The following LINGO1 variants were observed in gnomAD, a reference collection of about 807,000 sequenced individuals.
LINGO1 encodes leucine rich repeat and Ig domain containing 1.
Under a neutral mutation model 37.3 loss-of-function variants are expected in LINGO1, and 11 were observed. That is an observed-to-expected ratio of 0.29 (90% CI 0.19 to 0.49). The LOEUF (loss-of-function observed/expected upper bound fraction) is 0.49, where lower values mean the gene tolerates loss of function less well. Ranked by LOEUF, LINGO1 falls within the 20% of genes least tolerant of loss-of-function variation. LINGO1 has a pLI of 0.99. For missense variants in LINGO1, 585 were observed against 878.2 expected (o/e 0.67, Z 4.22); for synonymous variants, 387 against 403.0 (o/e 0.96, Z 0.48).
In LINGO1 at chr15:77,615,586, C is replaced by T. The variant is rs1204035571; in HGVS notation, c.321G>A (p.Val107=). ...LEELELNENI[V]SAVEPGAFNN... ...TGAAGGCGCCGGGCTCCACGGCGCT[C>T]ACGATGTTCTCGTTGAGCTCCAGCT... is the stretch of plus-strand genomic sequence containing the variant. The change falls in exon 2 of 2, where the codon GTG becomes GTA. Residue 107 remains valine, a synonymous_variant. Transcript: ENST00000355300. 1.4e-5 allele frequency: 22 copies of T among 1,611,442 alleles called. No homozygotes were observed. The highest frequency in any genetic ancestry group is 1.9e-5 in the Non-Finnish European group (22 of 1,178,850).
At chr15:77,627,529 A>G (rs2074130847) in intron 1 of LINGO1, among the ~76,000 whole-genome samples, 1 of 152,192 alleles carries the variant, frequency 6.6e-6, no homozygotes, top group African/African-American at 2.4e-5. Flanking sequence ...AGGAGCAAGC[A>G]CACATTTGTT....
chr15:77,776,530 G>GGAAGGCAGGAAAGC (rs2076653137), intron 1 of LINGO1, among the ~76,000 whole-genome samples: 11 of 34,512 alleles, frequency 3.2e-4, no homozygotes, highest in East Asian at 6.8e-4. Context: ...GGGAGGAAGG[G>GGAAGGCAGGAAAGC]AGGGAGGGAG....
At chr15:77,620,789 T>C (rs895776792) in intron 1 of LINGO1, among the ~76,000 whole-genome samples, 2 of 152,072 alleles carry the variant, frequency 1.3e-5, no homozygotes, top group African/African-American at 4.8e-5. Flanking sequence ...CCTTGGGGCA[T>C]CACATTCAGG....
At chr15:77,817,046 G>A (rs1311485476) in intron 1 of LINGO1, among the ~76,000 whole-genome samples, 6 of 54,902 alleles carry the variant, frequency 1.1e-4, no homozygotes, top group African/African-American at 1.9e-4. Context: ...CAAGGGAGGA[G>A]CAGGGAGAGG....
intron 1 of LINGO1, among the ~76,000 whole-genome samples, chr15:77,750,072 T>G (rs2076355602): frequency 1.3e-5 from 2 of 152,004 alleles, no homozygotes; most frequent in African/African-American, 4.8e-5. Context: ...TGACTCCCCC[T>G]CACCCACCCC....
intron 1 of LINGO1, among the ~76,000 whole-genome samples, chr15:77,746,207 C>CAA (rs34220013): frequency 4.0e-4 from 30 of 75,540 alleles, no homozygotes; most frequent in Non-Finnish European, 5.1e-4. Flanking sequence ...GACCCTGTCT[C>CAA]AAAAAAAAAA....
chr15:77,745,984 C>T (rs1235944089), intron 1 of LINGO1, among the ~76,000 whole-genome samples: 1 of 151,630 alleles, frequency 6.6e-6, no homozygotes, highest in African/African-American at 2.4e-5. Context: ...AATCTCAGCA[C>T]TTTAGGAGGC....
intron 2 of LINGO1, among the ~76,000 whole-genome samples, chr15:77,712,851 G>A (rs373742311): frequency 9.2e-5 from 14 of 152,214 alleles, no homozygotes; most frequent in African/African-American, 3.4e-4. Flanking sequence ...GGCTCCACTT[G>A]GACTCTGAAC....
intron 3 of LINGO1, among the ~76,000 whole-genome samples, chr15:77,673,105 C>T (rs1006633467): frequency 6.6e-6 from 1 of 152,160 alleles, no homozygotes; most frequent in African/African-American, 2.4e-5. Context: ...TCAAACCACA[C>T]ACAGAAATAC....
At chr15:77,655,678 G>C (rs975051551) in intron 3 of LINGO1, among the ~76,000 whole-genome samples, 1 of 152,182 alleles carries the variant, frequency 6.6e-6, no homozygotes, top group Non-Finnish European at 1.5e-5. Context: ...GAGACACTGA[G>C]GCCTAATGAG....
At chr15:77,712,018 G>A (rs911182500) in intron 2 of LINGO1, among the ~76,000 whole-genome samples, 14 of 152,126 alleles carry the variant, frequency 9.2e-5, no homozygotes, top group African/African-American at 3.4e-4. Context: ...GTCCCTGTGG[G>A]ACCTAAGAGG....
At position 77,613,935 on chromosome 15, in the gene LINGO1, G is replaced by C; in HGVS notation, c.*109C>G. On this transcript the variant is annotated 3_prime_UTR_variant, in exon 2 of 2. Transcript: ENST00000355300. ...CGGAGGCGGGAGGGAGAAAGAGAAC[G>C]TGTGTAGAAGGGTAGGGAGGAGGTG... The C allele has an allele frequency of 1.1e-6, 1 of 885,920 alleles. No individual in the cohort carries two copies. 54.9% of individuals were successfully genotyped at this position (885,920 alleles called of 1,614,324 possible). A position where few individuals can be genotyped will look rare whatever the true frequency, so the allele number is the denominator to read the frequency against.
intron 2 of LINGO1, among the ~76,000 whole-genome samples, chr15:77,679,120 C>T (rs577540627): frequency 2.6e-5 from 4 of 152,234 alleles, no homozygotes; most frequent in South Asian, 2.1e-4. Flanking sequence ...GGGCTGGTCT[C>T]GAACTCCTCA....
intron 1 of LINGO1, among the ~76,000 whole-genome samples, chr15:77,763,916 T>A (rs749765888): frequency 9.1e-4 from 139 of 152,138 alleles, no homozygotes; most frequent in Middle Eastern, 3.4e-3. Context: ...CCCTGGACAC[T>A]AATTAACCAC....
At chr15:77,765,640 T>A (rs1337092586) in intron 1 of LINGO1, among the ~76,000 whole-genome samples, 2 of 151,964 alleles carry the variant, frequency 1.3e-5, no homozygotes, top group African/African-American at 4.8e-5. Context: ...AGGATCAAAC[T>A]GAGGGTCTCT....
intron 2 of LINGO1, among the ~76,000 whole-genome samples, chr15:77,794,552 G>GTA (rs1433868023): frequency 0.014 from 1,634 of 117,424 alleles, 141 homozygotes; most frequent in Non-Finnish European, 0.02. Flanking sequence ...ACGTATATAT[G>GTA]TGTATATATA....
At chr15:77,775,731 C>T (rs1361576687) in intron 1 of LINGO1, among the ~76,000 whole-genome samples, 1 of 152,158 alleles carries the variant, frequency 6.6e-6, no homozygotes, top group South Asian at 2.1e-4. Flanking sequence ...TCTCTAGACC[C>T]GGCCCAACAT....
chr15:77,702,665 G>A (rs1405963672), intron 2 of LINGO1, among the ~76,000 whole-genome samples: 6 of 152,128 alleles, frequency 3.9e-5, no homozygotes, highest in Non-Finnish European at 8.8e-5. Context: ...CCATGGTGGT[G>A]GTTTGGTTCA....
At chr15:77,647,145 C>T (rs560634428) in intron 3 of LINGO1, among the ~76,000 whole-genome samples, 8 of 152,154 alleles carry the variant, frequency 5.3e-5, no homozygotes, top group Middle Eastern at 3.4e-3. Flanking sequence ...CTAGTTTACA[C>T]GCACTCCCAC....
Sources: allele counts gnomAD v4.1 joint callset (sites outside exome capture counted in the v4.1 genomes callset), GRCh38; gene constraint gnomAD v4.1.1; transcripts MANE v1.5; gene names NCBI Gene and HGNC (gene_info 2026-07-23, HGNC 2026-07-21).